RSRC1: variants seen among roughly 807,000 people sequenced by gnomAD.
RSRC1 encodes serine/Arginine-related protein 53.
A neutral mutation model predicts 49.1 loss-of-function variants in RSRC1; 39 were observed. The ratio of observed to expected loss-of-function variants is 0.79; its 90% CI spans 0.61 to 1.04. The LOEUF (loss-of-function observed/expected upper bound fraction) is 1.04, where lower values mean the gene tolerates loss of function less well. Ranked by LOEUF, RSRC1 falls within the 50% of genes least tolerant of loss-of-function variation. RSRC1 has a pLI of 0.00. For missense variants in RSRC1, 388 were observed against 402.4 expected (o/e 0.96, Z 0.31); for synonymous variants, 143 against 130.8 (o/e 1.09, Z -0.63).
chr3:158,518,146 A>AT (rs1452015549), intron 7 of RSRC1, among the ~76,000 whole-genome samples: 1 of 69,744 alleles, frequency 1.4e-5, no homozygotes, highest in East Asian at 3.3e-4. Flanking sequence ...ATATATATAT[A>AT]TATTTTTTTT....
intron 4 of RSRC1, among the ~76,000 whole-genome samples, chr3:158,207,132 C>T (rs1013047759): frequency 6.6e-6 from 1 of 152,124 alleles, no homozygotes; most frequent in Non-Finnish European, 1.5e-5. Context: ...TCACCTGCCT[C>T]TTAACGACAC....
At chr3:158,478,631 A>G (rs1300811001) in intron 7 of RSRC1, among the ~76,000 whole-genome samples, 1 of 152,006 alleles carries the variant, frequency 6.6e-6, no homozygotes, top group East Asian at 1.9e-4. Context: ...ACAATAGGAT[A>G]TCACTTTTAT....
intron 5 of RSRC1, among the ~76,000 whole-genome samples, chr3:158,337,635 G>A (rs998966543): frequency 1.3e-5 from 2 of 152,174 alleles, no homozygotes; most frequent in Admixed American, 6.5e-5. Flanking sequence ...CTAACATATT[G>A]TTAGCACTGA....
intron 6 of RSRC1, among the ~76,000 whole-genome samples, chr3:158,457,665 G>A (rs966299944): frequency 2.0e-5 from 3 of 152,014 alleles, no homozygotes; most frequent in Non-Finnish European, 4.4e-5. Context: ...TCAGAATTAG[G>A]AGAGCATTTC....
At chr3:158,469,845 A>G (rs539829575) in intron 7 of RSRC1, 1 of 152,218 alleles carries the variant, frequency 6.6e-6, no homozygotes, top group African/African-American at 2.4e-5. Context: ...TATTAACGGA[A>G]AACAGGTGAA....
chr3:158,241,972 GATATGA>G (rs1211523149), intron 4 of RSRC1, among the ~76,000 whole-genome samples: 5 of 140,108 alleles, frequency 3.6e-5, no homozygotes, highest in African/African-American at 1.3e-4. Flanking sequence ...ACCATCACAT[GATATGA>G]ATGTTTCTAT....
At chr3:158,259,551 T>C (rs1724771236) in intron 4 of RSRC1, among the ~76,000 whole-genome samples, 1 of 152,178 alleles carries the variant, frequency 6.6e-6, no homozygotes, top group Non-Finnish European at 1.5e-5. Context: ...CTGGGTCTTG[T>C]GCATGGCCTG....
At chr3:158,430,267 G>A (rs530697462) in intron 6 of RSRC1, among the ~76,000 whole-genome samples, 6 of 151,776 alleles carry the variant, frequency 4.0e-5, no homozygotes, top group Non-Finnish European at 5.9e-5. Context: ...TTTCAAAGCA[G>A]CGATGGCAGT....
At chr3:158,239,714 A>C (rs866380272) in intron 4 of RSRC1, among the ~76,000 whole-genome samples, 1 of 152,154 alleles carries the variant, frequency 6.6e-6, no homozygotes, top group African/African-American at 2.4e-5. Flanking sequence ...CCTAGAACTT[A>C]AAGTATTAAA....
intron 3 of RSRC1, among the ~76,000 whole-genome samples, chr3:158,173,853 A>G (rs1719027810): frequency 6.6e-6 from 1 of 151,994 alleles, no homozygotes; most frequent in Admixed American, 6.6e-5. Context: ...AGCCAAGTTC[A>G]AGAAATCACA....
intron 5 of RSRC1, among the ~76,000 whole-genome samples, chr3:158,332,841 A>G (rs888017898): frequency 1.4e-4 from 21 of 152,154 alleles, no homozygotes; most frequent in African/African-American, 4.8e-4. Flanking sequence ...TAAAAAATGT[A>G]ATGTTAGCAT....
chr3:158,296,184 A>G (rs1190881340), intron 4 of RSRC1, among the ~76,000 whole-genome samples: 1 of 152,094 alleles, frequency 6.6e-6, no homozygotes, highest in African/African-American at 2.4e-5. Context: ...TTTTGTGACA[A>G]TGTAGCTGTG....
chr3:158,248,195 G>A (rs559210664), intron 4 of RSRC1, among the ~76,000 whole-genome samples: 1 of 152,228 alleles, frequency 6.6e-6, no homozygotes, highest in East Asian at 1.9e-4. Flanking sequence ...TAATGTGCCT[G>A]CCTAGCCTAG....
intron 7 of RSRC1, among the ~76,000 whole-genome samples, chr3:158,499,577 C>T (rs985232023): frequency 6.6e-6 from 1 of 151,986 alleles, no homozygotes; most frequent in African/African-American, 2.4e-5. Context: ...TTGTAGTTTT[C>T]CTTGTAGAGG....
chr3:158,292,585 A>G (rs1559979905), intron 4 of RSRC1, among the ~76,000 whole-genome samples: 1 of 152,206 alleles, frequency 6.6e-6, no homozygotes, highest in Non-Finnish European at 1.5e-5. Flanking sequence ...TTGCACAAAT[A>G]TTGATGAAGT....
chr3:158,481,459 G>T (rs939561295), intron 7 of RSRC1, among the ~76,000 whole-genome samples: 1 of 152,042 alleles, frequency 6.6e-6, no homozygotes, highest in African/African-American at 2.4e-5. Flanking sequence ...TCACACAAGA[G>T]AACAGAAACT....
chr3:158,229,636 A>T (rs1312110825), intron 4 of RSRC1, among the ~76,000 whole-genome samples: 3 of 151,532 alleles, frequency 2.0e-5, no homozygotes, highest in African/African-American at 7.3e-5. Flanking sequence ...TAGTCAAAAT[A>T]TTTTTGAAAC....
chr3:158,383,604 A>G (rs1166626979), intron 6 of RSRC1, among the ~76,000 whole-genome samples: 1 of 152,186 alleles, frequency 6.6e-6, no homozygotes, highest in Non-Finnish European at 1.5e-5. Context: ...TGTATCTTTA[A>G]CATGCATACA....
At chr3:158,124,543 T>TATA (rs968034473) in intron 3 of RSRC1, among the ~76,000 whole-genome samples, 2 of 152,186 alleles carry the variant, frequency 1.3e-5, no homozygotes, top group African/African-American at 4.8e-5. Flanking sequence ...TGAAGCTATC[T>TATA]GCTCCTGGGC....
Sources: gnomAD v4.1 joint callset for allele counts (sites outside exome capture counted in the v4.1 genomes callset) on GRCh38, gnomAD v4.1.1 for gene constraint, MANE v1.5 for transcripts, NCBI Gene and HGNC (gene_info 2026-07-23, HGNC 2026-07-21) for gene names.